GBGT1: variants seen among roughly 807,000 people sequenced by gnomAD.
The protein encoded by GBGT1 is globoside alpha-1,3-N-acetylgalactosaminyltransferase 1.
In GBGT1, 18 loss-of-function variants were observed where a neutral mutation model predicts 20.9. That is an observed-to-expected ratio of 0.86 (90% CI 0.60 to 1.28). The LOEUF (loss-of-function observed/expected upper bound fraction) is 1.28. Ranked by LOEUF, GBGT1 falls within the 50% of genes most tolerant of loss-of-function variation. GBGT1 has a pLI of 0.00. For missense variants in GBGT1, 432 were observed against 455.7 expected, an observed-to-expected ratio of 0.95 and a Z score of 0.47; for synonymous variants, 168 against 180.8, an observed-to-expected ratio of 0.93 and a Z score of 0.57.
chr9:133,162,618 T>C lies in GBGT1; in HGVS notation c.-120-86A>G, dbSNP rs1309907945. On this transcript the variant is annotated intron_variant, in intron 1 of 6. Coordinates refer to ENST00000372040, the MANE Select transcript of GBGT1 (RefSeq NM_021996.6). ...GTGCAGTGGCGCAATCTCCATTCAC[T>C]GCAACCTCTTCTCTTGGGTTCAAGC... The C allele has an allele frequency of 6.8e-6, 4 of 584,862 alleles. No homozygotes were observed. The Admixed American group carries it at 1.1e-4, about 17-fold the overall frequency. 36.2% of individuals were successfully genotyped at this position (584,862 alleles called of 1,614,324 possible). A position where few individuals can be genotyped will look rare whatever the true frequency, so the allele number is the denominator to read the frequency against.
At chr9:133,160,528 C>T (rs1010962589) in intron 3 of GBGT1, among the ~76,000 whole-genome samples, 4 of 152,152 alleles carry the variant, frequency 2.6e-5, no homozygotes, top group African/African-American at 9.7e-5. Flanking sequence ...AACCTATCCA[C>T]ATCCTCCGGC....
intron 3 of GBGT1, chr9:133,161,122 C>G: frequency 2.5e-6 from 1 of 400,446 alleles, no homozygotes; most frequent in Non-Finnish European, 4.4e-6. Flanking sequence ...CCTAAAAGCA[C>G]TGAACACAAC....
Position 133,153,508 on chromosome 9 carries a change from G to T in GBGT1, c.*69C>A, listed in dbSNP as rs1226802015. The T allele has an allele frequency of 2.5e-6, 3 of 1,180,766 alleles. 1 individual carries two copies. The highest frequency in any genetic ancestry group is 1.2e-6 in the Non-Finnish European group (1 of 831,870). The allele number at this position is 1,180,766 out of a possible 1,614,324, so 73.1% of individuals were successfully genotyped here. A position where few individuals can be genotyped will look rare whatever the true frequency, so the allele number is the denominator to read the frequency against. ...CAGGGAGGCGGGACAGGGCTGGTCT[G>T]CACGCTAGTGAAGCACTGGTGGCTG... is the stretch of plus-strand genomic sequence containing the variant. On this transcript the variant is annotated 3_prime_UTR_variant, in exon 7 of 7. Coordinates refer to ENST00000372040, the MANE Select transcript of GBGT1 (RefSeq NM_021996.6).
In GBGT1 at chr9:133,155,247, G is replaced by C. The variant is rs767142998; in HGVS notation, c.290C>G (p.Pro97Arg). 3 of 1,614,048 alleles carry C rather than the reference G, an allele frequency of 1.9e-6. No homozygotes were observed. The highest frequency in any genetic ancestry group is 2.5e-6 in the Non-Finnish European group (3 of 1,179,954). Residue 97 changes from proline to arginine, a missense_variant, in exon 6 of 7, where the codon CCA (proline) becomes CGA (arginine). Pro to Arg is a moderately radical substitution (Grantham distance 103, BLOSUM62 -2). Transcript: ENST00000372040. The stretch of plus-strand genomic sequence containing the variant: ...CTGGTAGATGTGCTGCAGAAGCTCT[G>C]GGTTGAAGGTTCCCTCGGAGACGAT... ...APIVSEGTFN[P>R]ELLQHIYQPL...
At chr9:133,160,091 A>G in intron 3 of GBGT1, 1 of 262,268 alleles carries the variant, frequency 3.8e-6, no homozygotes, top group Non-Finnish European at 8.3e-6. Context: ...GGGGGCAAAG[A>G]CCAACCTGGC....
intron 3 of GBGT1, among the ~76,000 whole-genome samples, chr9:133,156,489 G>A (rs983183365): frequency 5.3e-5 from 8 of 151,934 alleles, no homozygotes; most frequent in South Asian, 2.1e-4. Flanking sequence ...GTGAAACCTC[G>A]TCTCTACTAA....
chr9:133,155,807 ACC>A, intron 5 of GBGT1, 92 bp downstream of exon 5: 1 of 1,357,270 alleles, frequency 7.4e-7, no homozygotes, highest in Non-Finnish European at 1.1e-6. Context: ...CCCCAAGGCC[ACC>A]CTGATGTTAG....
At chr9:133,159,548 G>T (rs1352618672) in intron 3 of GBGT1, among the ~76,000 whole-genome samples, 1 of 152,156 alleles carries the variant, frequency 6.6e-6, no homozygotes, top group Non-Finnish European at 1.5e-5. Flanking sequence ...CCGCAATCCC[G>T]GCAGGGGCGA....
Position 133,162,234 on chromosome 9 carries a change from G to T in GBGT1, c.71+108C>A, listed in dbSNP as rs1833072906. On this transcript the variant is annotated intron_variant, in intron 2 of 6. Transcript: ENST00000372040. ...AGTCCTGGGTGGGGATAGAGACAGGGGGAGTCCTGGGTGGGGATAGAGACA... is the reference window on the plus strand; with the variant it reads ...AGTCCTGGGTGGGGATAGAGACAGGTGGAGTCCTGGGTGGGGATAGAGACA... 3 of 551,902 alleles carry T rather than the reference G, an allele frequency of 5.4e-6. No individual in the cohort carries two copies. In the South Asian group the frequency reaches 6.3e-5, roughly 12 times the overall value. The allele number at this position is 551,902 out of a possible 1,614,324, so 34.2% of individuals were successfully genotyped here. A position where few individuals can be genotyped will look rare whatever the true frequency, so the allele number is the denominator to read the frequency against.
rs139139616 is a variant in GBGT1 at position 133,153,993 on chromosome 9, C to T, written c.628G>A (p.Val210Met). The T allele has an allele frequency of 3.7e-6, 6 of 1,613,912 alleles. No individual in the cohort carries two copies. In the African/African-American group the frequency reaches 8.0e-5, roughly 22 times the overall value. Residue 210 changes from valine (V) to methionine (M), a missense_variant, in exon 7 of 7, where the codon GTG becomes ATG. Val to Met is a conservative substitution (Grantham distance 21). Coordinates refer to ENST00000372040, the MANE Select transcript of GBGT1 (RefSeq NM_021996.6). ...DYLFCLDVDM[V>M]FRNPWGPETL... ...TCAGGGCCCCACGGGTTCCGAAACACCATGTCCACATCAAGGCAGAAGAGG... is the reference window on the plus strand; with the variant it reads ...TCAGGGCCCCACGGGTTCCGAAACATCATGTCCACATCAAGGCAGAAGAGG...
Position 133,153,105 on chromosome 9 carries a change from A to G in GBGT1, c.*472T>C, listed in dbSNP as rs1247066383. ...AAGGCTCACTCTGGGGGCCTGAGTGAGGAATTGGCTACATGTGGTTGGGAG... is the reference window on the plus strand; with the variant it reads ...AAGGCTCACTCTGGGGGCCTGAGTGGGGAATTGGCTACATGTGGTTGGGAG... On this transcript the variant is annotated 3_prime_UTR_variant, in exon 7 of 7. Transcript: ENST00000372040. The G allele has an allele frequency of 6.5e-6, 1 of 152,674 alleles. No homozygotes were observed. The highest frequency in any genetic ancestry group is 1.5e-5 in the Non-Finnish European group (1 of 68,424). The allele number at this position is 152,674 out of a possible 1,614,324, so 9.5% of individuals were successfully genotyped here. A position where few individuals can be genotyped will look rare whatever the true frequency, so the allele number is the denominator to read the frequency against.
chr9:133,160,429 G>A lies in GBGT1; in HGVS notation c.137+1038C>T, dbSNP rs543529817. Among the ~76,000 whole-genome samples the A allele has an allele frequency of 2.0e-5, 3 of 152,032 alleles. No individual in the cohort carries two copies. The South Asian group carries it at 6.2e-4, about 32-fold the overall frequency. ...AGTAGCCCAGGTGTACTACACGGTG[G>A]CTTTGCTGGGTACTGCTTGGGCAGG... On this transcript the variant is annotated intron_variant, in intron 3 of 6. Coordinates refer to ENST00000372040, the MANE Select transcript of GBGT1 (RefSeq NM_021996.6).
In GBGT1 at chr9:133,160,988, C is replaced by T. The variant is rs111915710; in HGVS notation, c.137+479G>A. 1.8e-3 allele frequency: 640 copies of T among 353,128 alleles called. 4 individuals carry two copies. Among genetic ancestry groups the T allele is most frequent in the African/African-American group, 0.011 (531 of 46,506 alleles). 21.9% of individuals were successfully genotyped at this position (353,128 alleles called of 1,614,324 possible). A position where few individuals can be genotyped will look rare whatever the true frequency, so the allele number is the denominator to read the frequency against. ...TCACGCCACTGCACTCCAGCCAGGG[C>T]GACAGAGTGAGACTCTGACTCAAGA... On this transcript the variant is annotated intron_variant, in intron 3 of 6. Transcript: ENST00000372040.
chr9:133,160,389 T>G (rs1250895828), intron 3 of GBGT1: 1 of 152,290 alleles, frequency 6.6e-6, no homozygotes, highest in African/African-American at 2.4e-5. Flanking sequence ...TTTCATAACC[T>G]CTGGTATTCC....
chr9:133,162,734 T>TTTC (rs1263511472), intron 1 of GBGT1, among the ~76,000 whole-genome samples: 1 of 152,120 alleles, frequency 6.6e-6, no homozygotes, highest in Non-Finnish European at 1.5e-5. Context: ...AGAGAAGAGG[T>TTTC]TTCTCCATGT....
In GBGT1 at chr9:133,154,995, C is replaced by A. The variant is rs749779444; in HGVS notation, c.359+183G>T. 1.7e-6 allele frequency: 1 copy of A among 587,626 alleles called. No homozygotes were observed. Among genetic ancestry groups the A allele is most frequent in the Non-Finnish European group, 3.0e-6 (1 of 329,674 alleles). 36.4% of individuals were successfully genotyped at this position (587,626 alleles called of 1,614,324 possible). A position where few individuals can be genotyped will look rare whatever the true frequency, so the allele number is the denominator to read the frequency against. Reference sequence around the variant, plus strand: ...GTCTATGCTAGAGCCAGATCCCCTACTCCAGGAAGCTCCCATCCCACTATC... The same window carrying A: ...GTCTATGCTAGAGCCAGATCCCCTAATCCAGGAAGCTCCCATCCCACTATC... On this transcript the variant is annotated intron_variant, in intron 6 of 6. Transcript: ENST00000372040. This position sits in a 1 kb window ranked among gnomAD's most constrained non-coding sequence, Gnocchi z 4.2.
chr9:133,161,973 C>T (rs892739234), intron 2 of GBGT1, among the ~76,000 whole-genome samples: 3 of 152,068 alleles, frequency 2.0e-5, no homozygotes, highest in South Asian at 2.1e-4. Flanking sequence ...ATTCAGAAGC[C>T]GGAGACACTA....
intron 1 of GBGT1, chr9:133,163,394 G>A (rs1449218688): frequency 6.6e-6 from 1 of 152,654 alleles, no homozygotes; most frequent in Non-Finnish European, 1.5e-5. Context: ...CGCCCGGGGG[G>A]AGGACACGCG....
intron 3 of GBGT1, among the ~76,000 whole-genome samples, chr9:133,156,689 G>A (rs907609341): frequency 1.3e-4 from 19 of 151,172 alleles, no homozygotes; most frequent in African/African-American, 4.6e-4. Context: ...AGCTGCAAAG[G>A]CCTGGTGACT....
Sources: gnomAD v4.1 joint callset for allele counts (sites outside exome capture counted in the v4.1 genomes callset) on GRCh38, gnomAD v4.1.1 for gene constraint, Gnocchi (gnomAD v3.1) non-coding constraint, MANE v1.5 for transcripts, NCBI Gene and HGNC (gene_info 2026-07-23, HGNC 2026-07-21) for gene names.